Variants in ARL13B observed in about 807,000 individuals in gnomAD.
ARL13B encodes ARF like GTPase 13B, also known as ADP-ribosylation factor-like protein 13B.
Under a neutral mutation model 56.1 loss-of-function variants are expected in ARL13B, and 36 were observed. That is an observed-to-expected ratio of 0.64 (90% CI 0.49 to 0.85). The LOEUF is 0.85. ARL13B is among the 40% of genes least tolerant of loss of function. ARL13B has a pLI of 0.00. For missense variants in ARL13B, 519 were observed against 507.1 expected, an observed-to-expected ratio of 1.02 and a Z score of -0.23; for synonymous variants, 178 against 171.1, an observed-to-expected ratio of 1.04 and a Z score of -0.32.
At chr3:94,048,828 C>T (rs1188897098) in intron 7 of ARL13B, among the ~76,000 whole-genome samples, 1 of 152,062 alleles carries the variant, frequency 6.6e-6, no homozygotes, top group Non-Finnish European at 1.5e-5. Context: ...AACTCCTGGG[C>T]TCATGCATTC....
intron 1 of ARL13B, among the ~76,000 whole-genome samples, chr3:93,983,054 T>C (rs1559963038): frequency 6.6e-6 from 1 of 152,228 alleles, no homozygotes. Context: ...GAAGATGAAA[T>C]GTGAGGAGTG....
At chr3:94,005,851 AT>A (rs775963571) in intron 3 of ARL13B, among the ~76,000 whole-genome samples, 3 of 151,758 alleles carry the variant, frequency 2.0e-5, no homozygotes, top group African/African-American at 7.3e-5. Flanking sequence ...TTTTTTGTAT[AT>A]TTTTTTTGAT....
chr3:94,028,944 CA>C (rs2076611958), intron 3 of ARL13B, among the ~76,000 whole-genome samples: 1 of 151,898 alleles, frequency 6.6e-6, no homozygotes, highest in Non-Finnish European at 1.5e-5. Flanking sequence ...TAGGAAATCC[CA>C]AAAGAGCTTA....
intron 3 of ARL13B, among the ~76,000 whole-genome samples, chr3:94,029,607 C>G (rs1182528263): frequency 1.3e-5 from 2 of 151,734 alleles, no homozygotes; most frequent in African/African-American, 4.8e-5. Flanking sequence ...TCCCAAAGTT[C>G]TGGGATTACA....
chr3:94,055,258 CAATAAA>C lies in ARL13B; in HGVS notation c.*2001_*2006del. 2.4e-6 allele frequency: 1 copy of C among 413,502 alleles called. No homozygotes were observed. Among genetic ancestry groups the C allele is most frequent in the Non-Finnish European group, 4.7e-6 (1 of 212,718 alleles). 25.6% of individuals were successfully genotyped at this position (413,502 alleles called of 1,614,324 possible). A position where few individuals can be genotyped will look rare whatever the true frequency, so the allele number is the denominator to read the frequency against. On this transcript the variant is annotated 3_prime_UTR_variant, in exon 10 of 10. Transcript: ENST00000394222. ...AATTCTGAATTTTGACATTTTCACA[CAATAAA>C]AATAATTTATATCAATATTCTGTTT...
intron 3 of ARL13B, among the ~76,000 whole-genome samples, chr3:94,026,165 G>A (rs568862416): frequency 1.3e-5 from 2 of 152,016 alleles, no homozygotes; most frequent in African/African-American, 2.4e-5. Flanking sequence ...GACTACAGGC[G>A]CCCGCCACCA....
chr3:94,005,094 C>T (rs2076112223), intron 3 of ARL13B, among the ~76,000 whole-genome samples: 1 of 151,864 alleles, frequency 6.6e-6, no homozygotes, highest in South Asian at 2.1e-4. Flanking sequence ...TGCATTAATT[C>T]AACAAATATT....
At chr3:94,021,915 G>A (rs929995601) in intron 3 of ARL13B, among the ~76,000 whole-genome samples, 7 of 151,822 alleles carry the variant, frequency 4.6e-5, no homozygotes, top group African/African-American at 1.7e-4. Context: ...AATAATGCAT[G>A]TACACAGGTT....
intron 5 of ARL13B, among the ~76,000 whole-genome samples, chr3:94,037,075 T>C (rs1388518133): frequency 1.3e-5 from 2 of 152,156 alleles, no homozygotes; most frequent in African/African-American, 4.8e-5. Flanking sequence ...CATTTGGCAG[T>C]GTCTGGAGAC....
intron 1 of ARL13B, among the ~76,000 whole-genome samples, chr3:93,985,362 G>C (rs1176115990): frequency 6.6e-6 from 1 of 152,144 alleles, no homozygotes; most frequent in Non-Finnish European, 1.5e-5. Context: ...TGATGAAATA[G>C]TGCATGTAAA....
At chr3:94,024,762 A>T (rs939400666) in intron 3 of ARL13B, among the ~76,000 whole-genome samples, 15 of 151,900 alleles carry the variant, frequency 9.9e-5, no homozygotes. Flanking sequence ...ATTTTTTAAA[A>T]TTTTTTGTAA....
intron 5 of ARL13B, among the ~76,000 whole-genome samples, chr3:94,039,101 A>G (rs1407046593): frequency 6.6e-6 from 1 of 152,234 alleles, no homozygotes; most frequent in Non-Finnish European, 1.5e-5. Context: ...TTTATACTAA[A>G]CAAGAAACAT....
chr3:94,040,031 A>C, intron 6 of ARL13B, 43 bp downstream of exon 6: 2 of 1,562,666 alleles, frequency 1.3e-6, no homozygotes, highest in South Asian at 1.1e-5. Flanking sequence ...TTAAGTTATA[A>C]GTTGGAACTT....
At chr3:94,027,112 TTAAATA>T (rs1428368882) in intron 3 of ARL13B, among the ~76,000 whole-genome samples, 113 of 152,188 alleles carry the variant, frequency 7.4e-4, no homozygotes, top group African/African-American at 2.6e-3. Context: ...ACTGTAATGA[TTAAATA>T]AAACATTTCA....
At chr3:94,051,177 A>T (rs1302215101) in intron 9 of ARL13B, among the ~76,000 whole-genome samples, 1 of 152,068 alleles carries the variant, frequency 6.6e-6, no homozygotes, top group African/African-American at 2.4e-5. Flanking sequence ...GTTATAATAA[A>T]AAGGAAATGT....
intron 3 of ARL13B, chr3:94,014,867 A>T (rs1399385572): frequency 3.1e-6 from 5 of 1,613,964 alleles, no homozygotes; most frequent in Admixed American, 3.3e-5. Context: ...GCATGCTGAG[A>T]TTTAAGTATC....
At chr3:94,043,809 C>T (rs1390982127) in intron 7 of ARL13B, among the ~76,000 whole-genome samples, 6 of 146,646 alleles carry the variant, frequency 4.1e-5, no homozygotes, top group African/African-American at 1.0e-4. Flanking sequence ...AGGCACGCGC[C>T]GCCACTCCTG....
rs77153278 is a variant in ARL13B, at chr3:94,042,366, A to T, written c.799-649A>T. Among the ~76,000 whole-genome samples the T allele has an allele frequency of 3.1e-3, 467 of 151,954 alleles. 4 individuals are homozygous for T. The East Asian group carries it at 0.045, about 15-fold the overall frequency. ...GTTAGCAATTTAATCTAAAAAAATTAAAAAAAAGCTATTAGGATGATTCTG... is the reference window on the plus strand; with the variant it reads ...GTTAGCAATTTAATCTAAAAAAATTTAAAAAAAGCTATTAGGATGATTCTG... On this transcript the variant is annotated intron_variant, in intron 6 of 9. Coordinates refer to ENST00000394222, the MANE Select transcript of ARL13B (RefSeq NM_001174150.2).
intron 1 of ARL13B, among the ~76,000 whole-genome samples, chr3:93,994,138 A>G (rs2075924672): frequency 6.6e-6 from 1 of 152,188 alleles, no homozygotes; most frequent in African/African-American, 2.4e-5. Context: ...CCTATGGTCT[A>G]ACATGAACTG....
Sources: allele counts gnomAD v4.1 joint callset (sites outside exome capture counted in the v4.1 genomes callset), GRCh38; gene constraint gnomAD v4.1.1; transcripts MANE v1.5; gene names NCBI Gene and HGNC (gene_info 2026-07-23, HGNC 2026-07-21).